The following WDR41 variants were observed in gnomAD, a reference collection of about 807,000 sequenced individuals.
WDR41 encodes the protein WD repeat-containing protein 41.
Under a neutral mutation model 69.3 loss-of-function variants are expected in WDR41, and 63 were observed. The ratio of observed to expected loss-of-function variants is 0.91; its 90% CI spans 0.74 to 1.12. The LOEUF (loss-of-function observed/expected upper bound fraction) is 1.12. Ranked by LOEUF, WDR41 falls within the 50% of genes most tolerant of loss-of-function variation. The pLI, the probability that WDR41 is intolerant of heterozygous loss-of-function variation, is 0.00. For synonymous variants in WDR41, 185 were observed against 192.1 expected, an observed-to-expected ratio of 0.96 and a Z score of 0.31; for missense variants, 543 against 534.5, an observed-to-expected ratio of 1.02 and a Z score of -0.16.
chr5:77,473,988 G>A (rs777851370), intron 2 of WDR41, among the ~76,000 whole-genome samples: 32 of 152,250 alleles, frequency 2.1e-4, no homozygotes, highest in Non-Finnish European at 3.2e-4. Context: ...ATGCACACGT[G>A]TGTTTATTGC....
chr5:77,556,408 TGAC>T (rs199952930), intron 1 of WDR41, among the ~76,000 whole-genome samples: 1 of 152,056 alleles, frequency 6.6e-6, no homozygotes, highest in African/African-American at 2.4e-5. Flanking sequence ...CCCGACTGAC[TGAC>T]TGTTTGTTTG....
rs1554106899 is a variant in WDR41 at position 77,433,333 on chromosome 5, G to A, written c.1228-46C>T. The A allele has an allele frequency of 1.0e-5, 16 of 1,579,998 alleles. No homozygotes were observed. In the South Asian group the frequency reaches 1.8e-4, roughly 18 times the overall value. Reference sequence around the variant, plus strand: ...GATTATAGGGACCCCGAAAAGCAGAGAAGTGTCTAATACCACATTAACACA... The same window carrying A: ...GATTATAGGGACCCCGAAAAGCAGAAAAGTGTCTAATACCACATTAACACA... On this transcript the variant is annotated intron_variant, in intron 12 of 12. Coordinates refer to ENST00000296679, the MANE Select transcript of WDR41 (RefSeq NM_018268.4).
chr5:77,463,594 C>T (rs1800164831), intron 3 of WDR41, among the ~76,000 whole-genome samples: 1 of 152,040 alleles, frequency 6.6e-6, no homozygotes, highest in South Asian at 2.1e-4. Flanking sequence ...TAAGTCTCCA[C>T]AGTTATAAGG....
chr5:77,432,094 G>C lies in WDR41; in HGVS notation c.*1041C>G, dbSNP rs1798744781. On this transcript the variant is annotated 3_prime_UTR_variant, in exon 13 of 13. Coordinates refer to ENST00000296679, the MANE Select transcript of WDR41 (RefSeq NM_018268.4). ...GCTAAAACTAGTAAAAGAACTTATG[G>C]AGATTCCCTTTAGGGTATATTTGTA... The C allele has an allele frequency of 6.6e-6, 1 of 152,150 alleles. No homozygotes were observed. The highest frequency in any genetic ancestry group is 1.5e-5 in the Non-Finnish European group (1 of 68,032). The allele number at this position is 152,150 out of a possible 1,614,324, so 9.4% of individuals were successfully genotyped here. A position where few individuals can be genotyped will look rare whatever the true frequency, so the allele number is the denominator to read the frequency against.
At chr5:77,483,928 G>A (rs163037) in intron 2 of WDR41, among the ~76,000 whole-genome samples, 89,532 of 151,986 alleles carry the variant, frequency 0.59, 28,111 homozygotes, top group African/African-American at 0.8. Flanking sequence ...GTTACTTCCT[G>A]TATCTATGCT....
intron 1 of WDR41, among the ~76,000 whole-genome samples, chr5:77,507,755 T>G (rs1802133956): frequency 6.6e-6 from 1 of 152,208 alleles, no homozygotes. Context: ...TTTATTCTAC[T>G]TAGAGTTTAT....
chr5:77,600,481 G>A (rs1007976287), intron 1 of WDR41, among the ~76,000 whole-genome samples: 4 of 152,276 alleles, frequency 2.6e-5, no homozygotes, highest in South Asian at 2.1e-4. Flanking sequence ...ATTTTTGGAG[G>A]TGATAAAAAT....
intron 1 of WDR41, among the ~76,000 whole-genome samples, chr5:77,541,487 CTTTTTTT>C (rs11335010): frequency 1.8e-4 from 18 of 97,828 alleles, no homozygotes; most frequent in East Asian, 5.7e-4. Context: ...AAAAGGAATT[CTTTTTTT>C]TTTTTTTTTT....
chr5:77,521,314 G>T (rs1490433877), intron 1 of WDR41, among the ~76,000 whole-genome samples: 1 of 152,258 alleles, frequency 6.6e-6, no homozygotes, highest in African/African-American at 2.4e-5. Flanking sequence ...CTAATGCCGA[G>T]GCTGATCTGA....
chr5:77,480,287 C>G (rs1400644322), intron 2 of WDR41: 1 of 128,976 alleles, frequency 7.8e-6, no homozygotes, highest in Non-Finnish European at 1.6e-5. Context: ...GGATCTAGAA[C>G]TAGAAATACC....
intron 2 of WDR41, among the ~76,000 whole-genome samples, chr5:77,482,330 G>A (rs1420409397): frequency 6.6e-6 from 1 of 152,184 alleles, no homozygotes; most frequent in Non-Finnish European, 1.5e-5. Flanking sequence ...CCCAGTCAAT[G>A]ATCAAATTTA....
chr5:77,545,947 G>T, intron 1 of WDR41: 1 of 491,276 alleles, frequency 2.0e-6, no homozygotes, highest in Non-Finnish European at 3.6e-6. Flanking sequence ...GTGACAGGCC[G>T]CTGTGGCTCC....
chr5:77,585,572 C>A (rs1744023598), intron 1 of WDR41, among the ~76,000 whole-genome samples: 1 of 152,088 alleles, frequency 6.6e-6, no homozygotes, highest in South Asian at 2.1e-4. Context: ...TGGAACCAAC[C>A]CAAATGCCCA....
chr5:77,576,962 A>G (rs1040381631), intron 1 of WDR41, among the ~76,000 whole-genome samples: 3 of 152,190 alleles, frequency 2.0e-5, no homozygotes, highest in African/African-American at 7.2e-5. Flanking sequence ...GTAGGTGGGT[A>G]TTGAAAGGAT....
upstream of WDR41, among the ~76,000 whole-genome samples, chr5:77,496,561 G>A (rs1479476362): frequency 1.3e-5 from 2 of 151,936 alleles, no homozygotes; most frequent in African/African-American, 2.4e-5. Flanking sequence ...TAACCCTGGA[G>A]GTGAAAGACT....
At chr5:77,442,894 C>CAAAAAAAAAAAAAA (rs60442242) in intron 8 of WDR41, among the ~76,000 whole-genome samples, 2,240 of 55,898 alleles carry the variant, frequency 0.04, 309 homozygotes, top group African/African-American at 0.082. Flanking sequence ...TCTGTCTCCC[C>CAAAAAAAAAAAAAA]AAAAAAAAAA....
At chr5:77,516,465 T>C (rs1802292961) in intron 1 of WDR41, among the ~76,000 whole-genome samples, 1 of 152,198 alleles carries the variant, frequency 6.6e-6, no homozygotes, top group African/African-American at 2.4e-5. Flanking sequence ...TGAGAATAGA[T>C]TTAGCTGCAA....
At chr5:77,487,417 T>C (rs567951906) in intron 2 of WDR41, among the ~76,000 whole-genome samples, 8 of 152,196 alleles carry the variant, frequency 5.3e-5, no homozygotes, top group African/African-American at 1.4e-4. Context: ...TAGCAACAAG[T>C]AACATTGCCA....
chr5:77,464,716 A>T, intron 3 of WDR41, 45 bp downstream of exon 3: 3 of 1,583,994 alleles, frequency 1.9e-6, no homozygotes, highest in Non-Finnish European at 2.6e-6. Flanking sequence ...ACTCAACTAC[A>T]TCATCATATC....
Sources: allele counts gnomAD v4.1 joint callset (sites outside exome capture counted in the v4.1 genomes callset), GRCh38; gene constraint gnomAD v4.1.1; transcripts MANE v1.5; gene names NCBI Gene and HGNC (gene_info 2026-07-23, HGNC 2026-07-21).